Variants in CHCHD3 observed in about 807,000 individuals in gnomAD.
CHCHD3 encodes the protein MICOS complex subunit MIC19.
Under a neutral mutation model 38.2 loss-of-function variants are expected in CHCHD3, and 20 were observed. The observed-to-expected ratio is 0.52, with a 90% CI of 0.37 to 0.76. The LOEUF (loss-of-function observed/expected upper bound fraction) is 0.76, where lower values mean the gene tolerates loss of function less well. Ranked by LOEUF, CHCHD3 falls within the 30% of genes least tolerant of loss-of-function variation. The pLI is 0.00. For missense variants in CHCHD3, 245 were observed against 279.2 expected (o/e 0.88, Z 0.87); for synonymous variants, 82 against 100.0 (o/e 0.82, Z 1.07).
chr7:132,807,843 A>G (rs1806971205), intron 6 of CHCHD3, among the ~76,000 whole-genome samples: 1 of 151,944 alleles, frequency 6.6e-6, no homozygotes, highest in African/African-American at 2.4e-5. Context: ...TTGCTTATCA[A>G]GAAATAATGT....
intron 2 of CHCHD3, among the ~76,000 whole-genome samples, chr7:133,027,385 G>GAGAGAGAA: frequency 8.3e-6 from 1 of 120,174 alleles, no homozygotes. Context: ...GAGAGAGAGA[G>GAGAGAGAA]AAAGAGAGAG....
In CHCHD3 at chr7:133,035,518, C is replaced by G. The variant is rs774372444; in HGVS notation, c.170-10891G>C. ...TCCAGCAGCCCCAGAATTCGCCTCA[C>G]TTCCTCCTTTGCATTCTCAGTGGCC... On this transcript the variant is annotated intron_variant, in intron 2 of 7. Transcript: ENST00000262570. The surrounding 1 kb of genome is among the most constrained non-coding windows in gnomAD (Gnocchi z 4.7). 11 of 1,613,542 alleles carry G rather than the reference C, an allele frequency of 6.8e-6. No individual in the cohort carries two copies. In the South Asian group the frequency reaches 1.2e-4, roughly 18 times the overall value.
chr7:133,041,304 T>C (rs1813830573), intron 2 of CHCHD3, among the ~76,000 whole-genome samples: 1 of 152,202 alleles, frequency 6.6e-6, no homozygotes, highest in South Asian at 2.1e-4. Context: ...AATCCCTATA[T>C]AAATAACACT....
chr7:133,070,734 C>CT (rs1296699536), intron 1 of CHCHD3, among the ~76,000 whole-genome samples: 1 of 151,724 alleles, frequency 6.6e-6, no homozygotes, highest in East Asian at 1.9e-4. Context: ...AGGCTAGACT[C>CT]TGAGTATTCA....
chr7:133,070,315 C>A, intron 1 of CHCHD3, 86 bp from the exon 2 acceptor site: 1 of 975,922 alleles, frequency 1.0e-6, no homozygotes, highest in East Asian at 2.6e-5. Flanking sequence ...TTTAGTCATC[C>A]ATATCCATAC....
chr7:132,957,150 G>A (rs1395484728), intron 4 of CHCHD3, among the ~76,000 whole-genome samples: 1 of 152,196 alleles, frequency 6.6e-6, no homozygotes, highest in Admixed American at 6.5e-5. Flanking sequence ...CTGGAGACCT[G>A]GAGGCTGGTT....
chr7:132,843,819 A>G (rs1386781141), intron 5 of CHCHD3, among the ~76,000 whole-genome samples: 2 of 152,196 alleles, frequency 1.3e-5, no homozygotes, highest in Non-Finnish European at 2.9e-5. Context: ...ATATATATCA[A>G]TTTGTCTGAT....
chr7:133,026,878 A>G (rs1365180432), intron 2 of CHCHD3, among the ~76,000 whole-genome samples: 1 of 152,166 alleles, frequency 6.6e-6, no homozygotes, highest in Non-Finnish European at 1.5e-5. Flanking sequence ...AAAGCAGAAA[A>G]TAGAGAATGA....
At chr7:132,895,557 A>T (rs1164241387) in intron 4 of CHCHD3, among the ~76,000 whole-genome samples, 1 of 152,214 alleles carries the variant, frequency 6.6e-6, no homozygotes, top group East Asian at 1.9e-4. Context: ...CCTAATTCCC[A>T]CGTGTCATGC....
chr7:132,917,623 C>T (rs367899393), intron 4 of CHCHD3, among the ~76,000 whole-genome samples: 2 of 152,156 alleles, frequency 1.3e-5, no homozygotes, highest in African/African-American at 4.8e-5. Flanking sequence ...CTTTGAGAGG[C>T]TGAGGCGGGC....
intron 5 of CHCHD3, among the ~76,000 whole-genome samples, chr7:132,854,913 T>C (rs891125718): frequency 6.6e-6 from 1 of 152,222 alleles, no homozygotes; most frequent in Non-Finnish European, 1.5e-5. Context: ...GTTGAAAGCA[T>C]AGGAGAGCTG....
At chr7:132,793,766 G>A (rs1277027632) in intron 7 of CHCHD3, among the ~76,000 whole-genome samples, 1 of 152,200 alleles carries the variant, frequency 6.6e-6, no homozygotes, top group East Asian at 1.9e-4. Flanking sequence ...GGACAACACT[G>A]CCTAATGGCT....
At chr7:132,997,120 A>T (rs1291776295) in intron 3 of CHCHD3, among the ~76,000 whole-genome samples, 3 of 152,224 alleles carry the variant, frequency 2.0e-5, no homozygotes, top group Non-Finnish European at 4.4e-5. Flanking sequence ...AACTAACAAA[A>T]TGAATAATTT....
chr7:132,863,048 A>G (rs368095453), intron 5 of CHCHD3, among the ~76,000 whole-genome samples: 4 of 152,156 alleles, frequency 2.6e-5, no homozygotes, highest in Non-Finnish European at 4.4e-5. Flanking sequence ...CTGTTAACTG[A>G]TATTTTGACC....
At chr7:132,953,413 T>G (rs979597338) in intron 4 of CHCHD3, among the ~76,000 whole-genome samples, 11 of 152,158 alleles carry the variant, frequency 7.2e-5, no homozygotes, top group African/African-American at 2.4e-4. Flanking sequence ...CCTGACTTCA[T>G]GCTCACATAA....
rs1810546637 is a variant in CHCHD3 at position 132,932,808 on chromosome 7, T to C, written c.369+42361A>G. On this transcript the variant is annotated intron_variant, in intron 4 of 7. Coordinates refer to ENST00000262570, the MANE Select transcript of CHCHD3 (RefSeq NM_017812.4). The stretch of plus-strand genomic sequence containing the variant: ...TCTTCTAAACCATGACTCAGAGCCC[T>C]GACTTATCCAACTTCATAAAATCTA... Among the ~76,000 whole-genome samples the C allele has an allele frequency of 2.0e-5, 3 of 152,220 alleles. No individual in the cohort carries two copies. The South Asian group carries it at 6.2e-4, about 32-fold the overall frequency.
At chr7:132,925,587 T>G (rs1352769473) in intron 4 of CHCHD3, among the ~76,000 whole-genome samples, 1 of 152,212 alleles carries the variant, frequency 6.6e-6, no homozygotes, top group East Asian at 1.9e-4. Context: ...GGTTTTTATT[T>G]AGTTTCTGTT....
intron 7 of CHCHD3, among the ~76,000 whole-genome samples, chr7:132,786,553 G>C (rs1806323209): frequency 6.6e-6 from 1 of 152,124 alleles, no homozygotes; most frequent in South Asian, 2.1e-4. Context: ...CATTTTTAGA[G>C]GTCTTTAAGA....
At chr7:132,863,405 A>G (rs1274375350) in intron 5 of CHCHD3, among the ~76,000 whole-genome samples, 2 of 152,112 alleles carry the variant, frequency 1.3e-5, no homozygotes, top group Non-Finnish European at 2.9e-5. Flanking sequence ...TATTCAGTAA[A>G]CCAGGCTGTA....
Sources: allele counts gnomAD v4.1 joint callset (sites outside exome capture counted in the v4.1 genomes callset), GRCh38; gene constraint gnomAD v4.1.1; non-coding constraint Gnocchi (gnomAD v3.1); transcripts MANE v1.5; gene names NCBI Gene and HGNC (gene_info 2026-07-23, HGNC 2026-07-21).